Variants in DPY19L2 observed in about 807,000 individuals in gnomAD.
DPY19L2 encodes the protein dpy-19 like 2.
In DPY19L2, 34 loss-of-function variants were observed where a neutral mutation model predicts 97.9. The observed-to-expected ratio is 0.35, with a 90% CI of 0.26 to 0.46. DPY19L2 has a LOEUF of 0.46. Among genes scored for constraint, DPY19L2 ranks in the 20% least tolerant of loss-of-function variants. The pLI is 1.00. For synonymous variants in DPY19L2, 230 were observed against 307.9 expected, an observed-to-expected ratio of 0.75 and a Z score of 2.65; for missense variants, 623 against 911.4, an observed-to-expected ratio of 0.68 and a Z score of 4.07.
intron 6 of DPY19L2, among the ~76,000 whole-genome samples, chr12:63,641,079 T>C (rs1892619820): frequency 1.3e-5 from 2 of 152,034 alleles, no homozygotes; most frequent in East Asian, 1.9e-4. Flanking sequence ...GTTGTTGTTG[T>C]ATTTTTAGTA....
At chr12:63,597,931 A>G in intron 13 of DPY19L2, 21 bp from the exon 14 acceptor site, 1 of 1,532,290 alleles carries the variant, frequency 6.5e-7, no homozygotes, top group African/African-American at 1.4e-5. Flanking sequence ...ATAAAGTAAA[A>G]TGAATTAAAA....
intron 11 of DPY19L2, among the ~76,000 whole-genome samples, chr12:63,610,875 A>AAAAAAAAAAAAAAAAAAAAAAAAAT (rs1367187433): frequency 9.7e-6 from 1 of 103,438 alleles, no homozygotes; most frequent in African/African-American, 3.3e-5. Flanking sequence ...AAAAAAAAAA[A>AAAAAAAAAAAAAAAAAAAAAAAAAT]CCACACACAC....
At chr12:63,649,278 T>C in intron 4 of DPY19L2, among the ~76,000 whole-genome samples, 1 of 151,508 alleles carries the variant, frequency 6.6e-6, no homozygotes, top group Non-Finnish European at 1.5e-5. Context: ...ACCAGAAAAA[T>C]AAGAGCAAAC....
intron 2 of DPY19L2, among the ~76,000 whole-genome samples, chr12:63,665,127 C>CT (rs1406550795): frequency 6.6e-6 from 1 of 152,160 alleles, no homozygotes; most frequent in Non-Finnish European, 1.5e-5. Flanking sequence ...TCTTTATCTT[C>CT]TTTTTTACCT....
At chr12:63,601,712 A>G (rs1166854461) in intron 12 of DPY19L2, among the ~76,000 whole-genome samples, 3 of 152,156 alleles carry the variant, frequency 2.0e-5, no homozygotes, top group Admixed American at 1.3e-4. Flanking sequence ...GGGAGTACAG[A>G]GCAGGGCCTA....
At chr12:63,640,299 A>C (rs12309268) in intron 6 of DPY19L2, among the ~76,000 whole-genome samples, 68,424 of 151,950 alleles carry the variant, frequency 0.45, 16,241 homozygotes, top group African/African-American at 0.59. Flanking sequence ...AAGTATACAT[A>C]TGTAACAAAC....
chr12:63,628,315 A>T (rs1187995516), intron 6 of DPY19L2, among the ~76,000 whole-genome samples: 1 of 152,156 alleles, frequency 6.6e-6, no homozygotes, highest in Non-Finnish European at 1.5e-5. Context: ...TCCCTTTCCT[A>T]ATCAAAGAAA....
chr12:63,642,790 A>G (rs1474248136), intron 6 of DPY19L2, among the ~76,000 whole-genome samples: 1 of 151,906 alleles, frequency 6.6e-6, no homozygotes, highest in African/African-American at 2.4e-5. Flanking sequence ...ATTTTTGAAT[A>G]ACTTTTAAAT....
chr12:63,610,856 A>AAAAAAAAAAAC, intron 11 of DPY19L2, among the ~76,000 whole-genome samples: 1 of 97,272 alleles, frequency 1.0e-5, no homozygotes, highest in Non-Finnish European at 2.2e-5. Flanking sequence ...AAAAAAAAAA[A>AAAAAAAAAAAC]AAAAAAAAAA....
At chr12:63,660,412 T>C (rs897098942) in intron 4 of DPY19L2, among the ~76,000 whole-genome samples, 5 of 151,878 alleles carry the variant, frequency 3.3e-5, no homozygotes, top group Non-Finnish European at 7.4e-5. Flanking sequence ...AGATCATTTA[T>C]GTGGACTTAA....
chr12:63,633,169 A>T (rs576044144), intron 6 of DPY19L2, among the ~76,000 whole-genome samples: 1 of 152,266 alleles, frequency 6.6e-6, no homozygotes, highest in South Asian at 2.1e-4. Flanking sequence ...GGACTTCATG[A>T]CTAAAGCACC....
chr12:63,615,428 A>G lies in DPY19L2; in HGVS notation c.1218+1876T>C, dbSNP rs187627079. Among the ~76,000 whole-genome samples, 1,445 of 152,238 alleles carry G rather than the reference A, an allele frequency of 9.5e-3. 7 individuals carry two copies. Among genetic ancestry groups the G allele is most frequent in the African/African-American group, 0.033 (1,364 of 41,512 alleles). Reference sequence around the variant, plus strand: ...GAGACATTATGTGCCTTTTAATGAAAGAACAATACTAAAGACTTGCAAAAG... The same window carrying G: ...GAGACATTATGTGCCTTTTAATGAAGGAACAATACTAAAGACTTGCAAAAG... On this transcript the variant is annotated intron_variant, in intron 11 of 21. Transcript: ENST00000324472.
At chr12:63,578,470 T>G (rs1350296131) in intron 19 of DPY19L2, among the ~76,000 whole-genome samples, 2 of 152,132 alleles carry the variant, frequency 1.3e-5, no homozygotes, top group African/African-American at 4.8e-5. Flanking sequence ...ACTGGATTGT[T>G]TGTAACACGA....
At chr12:63,600,636 TAAG>T (rs1884992708) in intron 12 of DPY19L2, among the ~76,000 whole-genome samples, 1 of 144,268 alleles carries the variant, frequency 6.9e-6, no homozygotes, top group African/African-American at 2.6e-5. Flanking sequence ...TTTTTTGTCT[TAAG>T]GAGTGAAAGG....
At chr12:63,569,496 G>A in intron 20 of DPY19L2, 147 bp from the exon 21 acceptor site, 1 of 582,208 alleles carries the variant, frequency 1.7e-6, no homozygotes, top group Non-Finnish European at 2.8e-6. Context: ...TTATTTTGGG[G>A]ATGGCAGTTT....
rs1880733974 is a variant in DPY19L2 at position 63,580,786 on chromosome 12, G to T, written c.1776C>A (p.Gly592=). 1 of 1,613,404 alleles carries T rather than the reference G, an allele frequency of 6.2e-7. No homozygotes were observed. The highest frequency in any genetic ancestry group is 1.1e-5 in the South Asian group (1 of 91,016). The change falls in exon 19 of 22, where the codon GGC becomes GGA. Residue 592 remains glycine, a synonymous_variant. Transcript: ENST00000324472. ...RRVRFEKVIF[G]ILTVMSIQGY... is the part of the protein sequence containing the mutation. ...CTTGTATTGACATCACTGTTAAAAT[G>T]CCAAAGATAACCTTCTCAAAACGAA...
chr12:63,575,144 A>C (rs1471656220), intron 19 of DPY19L2, among the ~76,000 whole-genome samples: 1 of 149,774 alleles, frequency 6.7e-6, no homozygotes, highest in Non-Finnish European at 1.5e-5. Context: ...GGAAAAAAAA[A>C]CTAGAAATCA....
rs1876036234 is a variant in DPY19L2 at position 63,559,104 on chromosome 12, T to C, written c.*1408A>G. ...TGTTAGGTGTTATGTCTCTTTTCTT[T>C]GACGCTCTCCTTTTTTATCCTGTGC... On this transcript the variant is annotated 3_prime_UTR_variant, in exon 22 of 22. Transcript: ENST00000324472. 1 of 152,212 alleles carries C rather than the reference T, an allele frequency of 6.6e-6. No homozygotes were observed. Among genetic ancestry groups the C allele is most frequent in the Admixed American group, 6.5e-5 (1 of 15,276 alleles). The allele number at this position is 152,212 out of a possible 1,614,324, so 9.4% of individuals were successfully genotyped here.
At chr12:63,666,813 C>T (rs1896394763) in intron 1 of DPY19L2, among the ~76,000 whole-genome samples, 1 of 152,104 alleles carries the variant, frequency 6.6e-6, no homozygotes, top group Admixed American at 6.6e-5. Context: ...AATGGTATTT[C>T]TTATGGTTAT....
Sources: allele counts gnomAD v4.1 joint callset (sites outside exome capture counted in the v4.1 genomes callset), GRCh38; gene constraint gnomAD v4.1.1; transcripts MANE v1.5; gene names NCBI Gene and HGNC (gene_info 2026-07-23, HGNC 2026-07-21).